The following PPIP5K1 variants were observed in gnomAD, a reference collection of about 807,000 sequenced individuals.
PPIP5K1 encodes diphosphoinositol pentakisphosphate kinase 1, also known as inositol hexakisphosphate and diphosphoinositol-pentakisphosphate kinase 1.
In PPIP5K1, 6 loss-of-function variants were observed where a neutral mutation model predicts 27.7. The observed-to-expected ratio is 0.22, with a 90% confidence interval of 0.12 to 0.43. The LOEUF is 0.43. PPIP5K1 is among the 20% of genes least tolerant of loss of function. The pLI is 1.00. For synonymous variants in PPIP5K1, 145 were observed against 242.6 expected (o/e 0.60, Z 3.74); for missense variants, 394 against 635.4 (o/e 0.62, Z 4.08).
At chr15:43,556,981 C>CT (rs2083046100) in intron 30 of PPIP5K1, among the ~76,000 whole-genome samples, 1 of 152,162 alleles carries the variant, frequency 6.6e-6, no homozygotes, top group Non-Finnish European at 1.5e-5. Flanking sequence ...TTTTTTCTTA[C>CT]TTTTTGGTGT....
chr15:43,550,198 C>T (rs993685811), intron 30 of PPIP5K1, among the ~76,000 whole-genome samples: 4 of 151,962 alleles, frequency 2.6e-5, no homozygotes, highest in African/African-American at 4.8e-5. Context: ...TACAGTGATG[C>T]GATCACCAGT....
At chr15:43,536,634 C>G (rs1299610230) in intron 31 of PPIP5K1, among the ~76,000 whole-genome samples, 1 of 152,100 alleles carries the variant, frequency 6.6e-6, no homozygotes, top group African/African-American at 2.4e-5. Flanking sequence ...ATCTATGGAT[C>G]CAGAGTTAAG....
rs760751002 is a variant in PPIP5K1, at chr15:43,560,433, T to A, written c.3398A>T (p.Asp1133Val). ...LFRNWLRSGQ[D>V]DPECLYGFEG... ...GGTACCGTAGAGGCACTCGGGGTCA[T>A]CCTGGCCTGAGCGCAGCCAGTTCCG... The change falls in exon 29 of 32, where the codon GAT becomes GTT. Residue 1133 changes from aspartate to valine, a missense_variant. By Grantham distance (152) the Asp-to-Val change is radical (BLOSUM62 -3). Transcript: ENST00000420765. 2 of 1,301,906 alleles carry A rather than the reference T, an allele frequency of 1.5e-6. No homozygotes were observed. The highest frequency in any genetic ancestry group is 3.0e-5 in the African/African-American group (2 of 65,862). 80.6% of individuals were successfully genotyped at this position (1,301,906 alleles called of 1,614,324 possible).
At chr15:43,558,712 T>C in intron 30 of PPIP5K1, 83 bp downstream of exon 30, 1 of 1,563,026 alleles carries the variant, frequency 6.4e-7, no homozygotes, top group Middle Eastern at 1.7e-4. Context: ...CCTAACTAGC[T>C]TTCTAATTTA....
At chr15:43,538,050 T>A (rs2080144691) in intron 31 of PPIP5K1, among the ~76,000 whole-genome samples, 2 of 151,882 alleles carry the variant, frequency 1.3e-5, no homozygotes, top group African/African-American at 4.8e-5. Flanking sequence ...AAAAGGGCAA[T>A]GGCCCTACAA....
chr15:43,554,338 G>C (rs2082640849), intron 30 of PPIP5K1, among the ~76,000 whole-genome samples: 1 of 151,868 alleles, frequency 6.6e-6, no homozygotes, highest in African/African-American at 2.4e-5. Context: ...TTTTTAAAGA[G>C]ACAGGGTCTT....
intron 30 of PPIP5K1, among the ~76,000 whole-genome samples, chr15:43,542,792 C>T (rs2080937252): frequency 6.6e-6 from 1 of 151,678 alleles, no homozygotes; most frequent in South Asian, 2.1e-4. Context: ...AGCAATCCTC[C>T]AACATCAGCC....
chr15:43,535,337 CAG>C lies in PPIP5K1; in HGVS notation c.3808_3809del (p.Leu1270AlafsTer22). 1.9e-6 allele frequency: 3 copies of C among 1,614,206 alleles called. No individual in the cohort carries two copies. Among genetic ancestry groups the C allele is most frequent in the Non-Finnish European group, 2.5e-6 (3 of 1,180,028 alleles). On this transcript the variant is annotated frameshift_variant, in exon 32 of 32. Coordinates refer to ENST00000420765, the MANE Select transcript of PPIP5K1 (RefSeq NM_001394395.1). LOFTEE classifies it low-confidence loss of function (END_TRUNC). The part of the protein sequence containing the change: ...HVAEEHQGLG[L>X]LQETPGSGAQ... ...CTCCACTCCCAGGGGTCTCCTGGAG[CAG>C]CCCAAGGCCTTGATGTTCTTCAGCC... is the stretch of plus-strand genomic sequence containing the variant.
At chr15:43,542,118 T>C (rs1272965367) in intron 30 of PPIP5K1, among the ~76,000 whole-genome samples, 1 of 152,222 alleles carries the variant, frequency 6.6e-6, no homozygotes, top group Non-Finnish European at 1.5e-5. Flanking sequence ...AACTGGCATA[T>C]TCTCTGTAAA....
chr15:43,554,555 A>T (rs1287171015), intron 30 of PPIP5K1, among the ~76,000 whole-genome samples: 1 of 150,586 alleles, frequency 6.6e-6, no homozygotes, highest in Non-Finnish European at 1.5e-5. Context: ...CTATCCTTTT[A>T]CTTTCAACCT....
intron 30 of PPIP5K1, among the ~76,000 whole-genome samples, chr15:43,544,803 A>C (rs1595743502): frequency 6.6e-6 from 1 of 152,062 alleles, no homozygotes; most frequent in East Asian, 1.9e-4. Flanking sequence ...ACAGAGCAAG[A>C]CCCTGTCTCT....
intron 31 of PPIP5K1, among the ~76,000 whole-genome samples, chr15:43,536,420 G>GA (rs75062802): frequency 5.3e-3 from 546 of 103,238 alleles, no homozygotes; most frequent in Admixed American, 0.01. Context: ...CTCTGTCTCA[G>GA]AAAAAAAAAA....
chr15:43,557,356 G>C (rs954700092), intron 30 of PPIP5K1, among the ~76,000 whole-genome samples: 1 of 152,124 alleles, frequency 6.6e-6, no homozygotes, highest in Non-Finnish European at 1.5e-5. Flanking sequence ...CTGAGGCAGG[G>C]AGAACTGCTT....
chr15:43,553,113 A>G (rs572948791), intron 30 of PPIP5K1, among the ~76,000 whole-genome samples: 1 of 152,304 alleles, frequency 6.6e-6, no homozygotes, highest in Non-Finnish European at 1.5e-5. Flanking sequence ...TCTGTTATTA[A>G]TTCTAGCATC....
chr15:43,538,677 A>T (rs1256690944), intron 31 of PPIP5K1, among the ~76,000 whole-genome samples: 1 of 151,950 alleles, frequency 6.6e-6, no homozygotes, highest in Non-Finnish European at 1.5e-5. Context: ...ACGCTCGGCT[A>T]ATTTTTTGTA....
chr15:43,554,761 T>G (rs778065236), intron 30 of PPIP5K1, among the ~76,000 whole-genome samples: 32 of 152,086 alleles, frequency 2.1e-4, no homozygotes, highest in Non-Finnish European at 3.8e-4. Flanking sequence ...AAGTCTGTCT[T>G]ATTAGACTTT....
intron 30 of PPIP5K1, among the ~76,000 whole-genome samples, chr15:43,547,536 A>G (rs532973295): frequency 6.6e-6 from 1 of 152,328 alleles, no homozygotes; most frequent in Admixed American, 6.5e-5. Context: ...TTTTCATATG[A>G]TATGAGGTAG....
At chr15:43,558,740 A>G (rs2083375903) in intron 30 of PPIP5K1, 55 bp downstream of exon 30, 1 of 1,603,298 alleles carries the variant, frequency 6.2e-7, no homozygotes, top group Non-Finnish European at 8.5e-7. Context: ...CTTATATTCT[A>G]GGAAGCATGG....
chr15:43,552,455 T>A (rs1381692459), intron 30 of PPIP5K1, among the ~76,000 whole-genome samples: 1 of 144,866 alleles, frequency 6.9e-6, no homozygotes, highest in Admixed American at 7.1e-5. Flanking sequence ...CCTGTAATCC[T>A]AGCATTTTGG....
Sources: gnomAD v4.1 joint callset for allele counts (sites outside exome capture counted in the v4.1 genomes callset) on GRCh38, gnomAD v4.1.1 for gene constraint, MANE v1.5 for transcripts, NCBI Gene and HGNC (gene_info 2026-07-23, HGNC 2026-07-21) for gene names.